Variants in CACNA1C observed in about 807,000 individuals in gnomAD.
CACNA1C encodes the protein voltage-dependent L-type calcium channel subunit alpha-1C.
CACNA1C carries 30 observed loss-of-function variants against 229.0 expected under a neutral mutation model. The ratio of observed to expected loss-of-function variants is 0.13; its 90% CI spans 0.10 to 0.18. CACNA1C has a LOEUF of 0.18. Ranked by LOEUF, CACNA1C falls within the 10% of genes least tolerant of loss-of-function variation. CACNA1C has a pLI of 1.00. For missense variants in CACNA1C, 1,658 were observed against 2,845.0 expected (o/e 0.58, Z 9.49); for synonymous variants, 1,114 against 1,132.5 (o/e 0.98, Z 0.33).
chr12:2,508,586 G>A (rs2099776863), intron 8 of CACNA1C, among the ~76,000 whole-genome samples: 1 of 152,210 alleles, frequency 6.6e-6, no homozygotes, highest in Admixed American at 6.5e-5. Flanking sequence ...CCAGGAGTTT[G>A]AGGCTGCAGT....
intron 1 of CACNA1C, among the ~76,000 whole-genome samples, chr12:2,093,334 C>A (rs1262421277): frequency 6.6e-6 from 1 of 152,190 alleles, no homozygotes; most frequent in African/African-American, 2.4e-5. Flanking sequence ...TAGGCCTGCA[C>A]CCTGATGCTT....
chr12:2,589,858 C>T (rs2064400711), intron 18 of CACNA1C, among the ~76,000 whole-genome samples: 1 of 152,124 alleles, frequency 6.6e-6, no homozygotes, highest in African/African-American at 2.4e-5. Flanking sequence ...GCAGGTAGGA[C>T]CAGCTGGATT....
intron 3 of CACNA1C, among the ~76,000 whole-genome samples, chr12:2,245,884 C>G (rs924891287): frequency 1.8e-4 from 27 of 152,314 alleles, no homozygotes; most frequent in African/African-American, 6.3e-4. Context: ...ATGACTTTAC[C>G]TGACACATTC....
At position 2,275,449 on chromosome 12, in the gene CACNA1C, G is replaced by A. The variant is rs925892761; in HGVS notation, c.477+155019G>A. 3.3e-5 allele frequency among the ~76,000 whole-genome samples: 5 copies of A among 152,134 alleles called. No homozygotes were observed. The highest frequency in any genetic ancestry group is 4.8e-5 in the African/African-American group (2 of 41,426). On this transcript the variant is annotated intron_variant, in intron 3 of 46. Transcript: ENST00000399655. This position sits in a 1 kb window ranked among gnomAD's most constrained non-coding sequence, Gnocchi z 4.1. ...CCCGCCAGCTGTACCGCATCGCTCT[G>A]TGCATGTGACCTAGCTCTCTCCTGG...
intron 3 of CACNA1C, among the ~76,000 whole-genome samples, chr12:2,308,748 T>C (rs909434123): frequency 5.9e-5 from 9 of 152,352 alleles, no homozygotes; most frequent in Non-Finnish European, 1.3e-4. Context: ...AACAGGCATA[T>C]TGAAGGTACT....
At position 2,004,113 on chromosome 12, in the gene CACNA1C, C is replaced by G. The variant is rs184211446; in HGVS notation, c.139+32912C>G. 21 of 963,322 alleles carry G rather than the reference C, an allele frequency of 2.2e-5. No individual in the cohort carries two copies. The South Asian group carries it at 2.5e-4, about 11-fold the overall frequency. The allele number at this position is 963,322 out of a possible 1,614,324, so 59.7% of individuals were successfully genotyped here. A position where few individuals can be genotyped will look rare whatever the true frequency, so the allele number is the denominator to read the frequency against. On this transcript the variant is annotated intron_variant, in intron 1 of 46. Coordinates refer to the CACNA1C transcript ENST00000682462. ...GCTCCACAGATCCGCCTTCCTTCCC[C>G]CAAACCCCCGAGACCCCATCTCCAC...
intron 3 of CACNA1C, among the ~76,000 whole-genome samples, chr12:2,311,592 C>G (rs1156696441): frequency 6.6e-6 from 1 of 152,206 alleles, no homozygotes; most frequent in African/African-American, 2.4e-5. Context: ...AGAAGCCTAA[C>G]TGGGCATCAC....
chr12:2,001,835 T>A (rs1272173621), intron 1 of CACNA1C, among the ~76,000 whole-genome samples: 1 of 152,192 alleles, frequency 6.6e-6, no homozygotes, highest in Non-Finnish European at 1.5e-5. Context: ...ACTCTATAGA[T>A]GTCACAACAC....
At position 2,108,823 on chromosome 12, in the gene CACNA1C, T is replaced by C. The variant is rs913395791; in HGVS notation, c.50-6401T>C. ...AGGGAAGATTAATGGCCCAGCTTTC[T>C]AGTCATTGGGCCTTTAGTGGGTGGA... is the stretch of plus-strand genomic sequence containing the variant. On this transcript the variant is annotated intron_variant, in intron 1 of 46. Transcript: ENST00000399655. The surrounding 1 kb of genome is among the most constrained non-coding windows in gnomAD (Gnocchi z 5.3). 6.6e-6 allele frequency among the ~76,000 whole-genome samples: 1 copy of C among 152,230 alleles called. No individual in the cohort carries two copies. Among genetic ancestry groups the C allele is most frequent in the Non-Finnish European group, 1.5e-5 (1 of 68,034 alleles).
At chr12:2,008,431 A>G (rs2154481690) in intron 1 of CACNA1C, among the ~76,000 whole-genome samples, 1 of 151,818 alleles carries the variant, frequency 6.6e-6, no homozygotes. Context: ...GGGTCTCACT[A>G]CGTTGCTCAG....
At chr12:2,228,868 T>C (rs1004296055) in intron 3 of CACNA1C, among the ~76,000 whole-genome samples, 42 of 152,082 alleles carry the variant, frequency 2.8e-4, no homozygotes, top group African/African-American at 8.9e-4. Flanking sequence ...TCAAGTCAGG[T>C]AGAAAGAAAA....
At chr12:2,293,511 G>A (rs768398989) in intron 3 of CACNA1C, among the ~76,000 whole-genome samples, 3 of 152,192 alleles carry the variant, frequency 2.0e-5, no homozygotes, top group Non-Finnish European at 4.4e-5. Context: ...GGATGGCTTT[G>A]AATGTGGCCC....
At position 2,677,400 on chromosome 12, in the gene CACNA1C, C is replaced by A; in HGVS notation, c.4956+179C>A. The A allele has an allele frequency of 1.5e-6, 1 of 679,880 alleles. No homozygotes were observed. Among genetic ancestry groups the A allele is most frequent in the Non-Finnish European group, 2.4e-6 (1 of 413,018 alleles). The allele number at this position is 679,880 out of a possible 1,614,324, so 42.1% of individuals were successfully genotyped here. On this transcript the variant is annotated intron_variant, in intron 40 of 46. Transcript: ENST00000399655. The surrounding 1 kb of genome is among the most constrained non-coding windows in gnomAD (Gnocchi z 7.4). The stretch of plus-strand genomic sequence containing the variant: ...TGAGAAGGGGGTGATGTGCCCTTCC[C>A]TACCTGCCACCCACCGACTGCCCTC...
intron 3 of CACNA1C, among the ~76,000 whole-genome samples, chr12:2,387,833 G>A (rs1022041006): frequency 5.3e-5 from 8 of 152,222 alleles, no homozygotes; most frequent in African/African-American, 1.9e-4. Flanking sequence ...GGCGAGGGCA[G>A]GAGGGGCTTT....
Position 2,601,687 on chromosome 12 carries a change from C to T in CACNA1C, c.2854-167C>T, listed in dbSNP as rs1427124436. Reference sequence around the variant, plus strand: ...TCTTGGGTGGTTGTGTGCATGGTAGCAGAACTCTTTTCTTGGCACCATAGC... The same window carrying T: ...TCTTGGGTGGTTGTGTGCATGGTAGTAGAACTCTTTTCTTGGCACCATAGC... On this transcript the variant is annotated intron_variant, in intron 21 of 46. Transcript: ENST00000399655. The surrounding 1 kb of genome is among the most constrained non-coding windows in gnomAD (Gnocchi z 5.9). 6.6e-6 allele frequency among the ~76,000 whole-genome samples: 1 copy of T among 152,212 alleles called. No individual in the cohort carries two copies. The highest frequency in any genetic ancestry group is 1.9e-4 in the East Asian group (1 of 5,188).
chr12:2,637,443 A>G (rs1247553490), intron 30 of CACNA1C, among the ~76,000 whole-genome samples: 3 of 152,172 alleles, frequency 2.0e-5, no homozygotes, highest in African/African-American at 7.2e-5. Flanking sequence ...TTTCCCAGAT[A>G]TGCTTAGACC....
At chr12:2,414,015 G>C (rs2098837282) in intron 3 of CACNA1C, among the ~76,000 whole-genome samples, 2 of 152,140 alleles carry the variant, frequency 1.3e-5, no homozygotes, top group Non-Finnish European at 1.5e-5. Context: ...GCCTTGCATA[G>C]CAGGGATGCA....
At chr12:2,570,079 C>T (rs575643565) in intron 13 of CACNA1C, among the ~76,000 whole-genome samples, 131 of 152,204 alleles carry the variant, frequency 8.6e-4, no homozygotes, top group Non-Finnish European at 1.5e-3. Flanking sequence ...TCTTAATGTG[C>T]GTTATGATCA....
intron 3 of CACNA1C, among the ~76,000 whole-genome samples, chr12:2,331,907 TAAAG>T (rs1190478598): frequency 6.6e-6 from 1 of 152,158 alleles, no homozygotes; most frequent in Non-Finnish European, 1.5e-5. Flanking sequence ...TTAAAGGAAC[TAAAG>T]AAATATGACA....
Sources: gnomAD v4.1 joint callset for allele counts (sites outside exome capture counted in the v4.1 genomes callset) on GRCh38, gnomAD v4.1.1 for gene constraint, Gnocchi (gnomAD v3.1) non-coding constraint, MANE v1.5 for transcripts, NCBI Gene and HGNC (gene_info 2026-07-23, HGNC 2026-07-21) for gene names.